MACF1: variants seen among roughly 807,000 people sequenced by gnomAD.
MACF1 encodes the protein microtubule-actin cross-linking factor 1.
In MACF1, 193 loss-of-function variants were observed where a neutral mutation model predicts 854.8. That is an observed-to-expected ratio of 0.23 (90% CI 0.20 to 0.25). MACF1 has a LOEUF of 0.25. Ranked by LOEUF, MACF1 falls within the 10% of genes least tolerant of loss-of-function variation. The probability of loss-of-function intolerance (pLI) is 1.00; values close to 1 mark genes in which losing one functional copy is unlikely to be tolerated. For synonymous variants in MACF1, 3,185 were observed against 3,226.7 expected (o/e 0.99, Z 0.44); for missense variants, 7,722 against 8,929.1 (o/e 0.86, Z 5.45).
At chr1:39,423,023 C>A in intron 60 of MACF1, 123 bp downstream of exon 60, 1 of 815,018 alleles carries the variant, frequency 1.2e-6, no homozygotes, top group Non-Finnish European at 1.9e-6. Flanking sequence ...TTTGTGTCGT[C>A]CTGAAAAGAA....
Position 39,334,411 on chromosome 1 carries a change from C to A in MACF1, c.7823C>A (p.Ala2608Glu), listed in dbSNP as rs1271875127. The change falls in exon 37 of 101, where the codon GCA (alanine) becomes GAA (glutamate). Residue 2608 changes from alanine (A) to glutamate (E), a missense_variant. Around this residue, in one of 15 missense-constraint regions of MACF1, gnomAD observed 1,531 missense variants for 1,601.6 expected, o/e 0.96. Coordinates refer to ENST00000564288, the MANE Select transcript of MACF1 (RefSeq NM_001394062.1). ...AAAGAAGGACTGTTAACTAATGAAGCAGTATTGTCTCCAGGAATGATGCAT... is the reference window on the plus strand; with the variant it reads ...AAAGAAGGACTGTTAACTAATGAAGAAGTATTGTCTCCAGGAATGATGCAT... ...AKKEGLLTNE[A>E]VLSPGMMHGI... 6.2e-7 allele frequency: 1 copy of A among 1,613,948 alleles called. No homozygotes were observed. Among genetic ancestry groups the A allele is most frequent in the East Asian group, 2.2e-5 (1 of 44,872 alleles).
intron 95 of MACF1, chr1:39,467,725 C>A (rs944515720): frequency 6.6e-6 from 1 of 152,196 alleles, no homozygotes; most frequent in African/African-American, 2.4e-5. Flanking sequence ...ATGACCTAAT[C>A]ATTTGTTCAG....
rs761281665 is a variant in MACF1 at position 39,335,200 on chromosome 1, A to G, written c.8612A>G (p.His2871Arg). Residue 2871 changes from histidine (H) to arginine (R), a missense_variant, in exon 37 of 101, where the codon CAT becomes CGT. His to Arg is a conservative substitution (Grantham distance 29, BLOSUM62 0). This residue lies in a region of MACF1 where 854 missense variants were observed against 852.6 expected (regional missense o/e 1.00). Coordinates refer to ENST00000564288, the MANE Select transcript of MACF1 (RefSeq NM_001394062.1). ...AKEFISIINP[H>R]NLKGKSLGQV... Reference sequence around the variant, plus strand: ...GAATTTATCAGTATCATAAATCCTCATAATCTTAAAGGTAAATCCTTGGGC... The same window carrying G: ...GAATTTATCAGTATCATAAATCCTCGTAATCTTAAAGGTAAATCCTTGGGC... 56 of 1,613,928 alleles carry G rather than the reference A, an allele frequency of 3.5e-5. No homozygotes were observed. The highest frequency in any genetic ancestry group is 4.6e-5 in the Non-Finnish European group (54 of 1,179,974).
intron 58 of MACF1, among the ~76,000 whole-genome samples, chr1:39,406,287 T>G (rs555975040): frequency 1.4e-4 from 21 of 152,330 alleles, no homozygotes; most frequent in Non-Finnish European, 2.6e-4. Flanking sequence ...GAATGCTCCA[T>G]TTATTTATTT....
chr1:39,431,346 C>T (rs763493062), intron 66 of MACF1, among the ~76,000 whole-genome samples: 1 of 152,192 alleles, frequency 6.6e-6, no homozygotes, highest in Non-Finnish European at 1.5e-5. Context: ...AGAACCTTCT[C>T]AGTAAACACA....
At chr1:39,201,605 G>T (rs1479556524), upstream of MACF1, among the ~76,000 whole-genome samples, 1 of 152,118 alleles carries the variant, frequency 6.6e-6, no homozygotes, top group Non-Finnish European at 1.5e-5. Flanking sequence ...ACCTGCCTCG[G>T]CCTCCCAAAG....
chr1:39,306,097 A>G (rs1402305995), intron 23 of MACF1, among the ~76,000 whole-genome samples: 2 of 152,206 alleles, frequency 1.3e-5, no homozygotes, highest in Non-Finnish European at 2.9e-5. Context: ...ATTGAATGAA[A>G]GAATGAATGA....
intron 1 of MACF1, chr1:39,206,387 T>C (rs1644451304): frequency 6.6e-6 from 1 of 152,196 alleles, no homozygotes; most frequent in Non-Finnish European, 1.5e-5. Flanking sequence ...AGAAAATAAA[T>C]ACAATATCAT....
At chr1:39,254,638 C>T (rs1228795806) in intron 5 of MACF1, 7 of 397,074 alleles carry the variant, frequency 1.8e-5, no homozygotes, top group South Asian at 1.6e-4. Context: ...GTGGATGCAC[C>T]TTAGGTGGGG....
intron 99 of MACF1, 44 bp downstream of exon 99, chr1:39,481,074 C>A: frequency 8.2e-7 from 1 of 1,226,560 alleles, no homozygotes; most frequent in Non-Finnish European, 1.2e-6. Flanking sequence ...CAAGACGAGG[C>A]CCTCGCTACT....
rs75807178 is a variant in MACF1, at chr1:39,148,011, A to G, written c.220+63573A>G. On this transcript the variant is annotated intron_variant, in intron 2 of 93. Transcript: ENST00000361689. ...TTCTGCCTCACAAATGCTTGTTCAT[A>G]CTGTAATCTTTTGTCCCAACTCAAA... Among the ~76,000 whole-genome samples, 50 of 152,242 alleles carry G rather than the reference A, an allele frequency of 3.3e-4. No individual in the cohort carries two copies. In the East Asian group the frequency reaches 6.6e-3, roughly 20 times the overall value.
intron 2 of MACF1, among the ~76,000 whole-genome samples, chr1:39,116,054 A>G (rs1470960011): frequency 2.0e-5 from 3 of 152,172 alleles, no homozygotes; most frequent in African/African-American, 7.2e-5. Flanking sequence ...CAGGTGAAGA[A>G]GGGTGGGGAG....
chr1:39,112,659 C>T (rs761802486), intron 2 of MACF1, among the ~76,000 whole-genome samples: 4 of 151,574 alleles, frequency 2.6e-5, no homozygotes, highest in Non-Finnish European at 5.9e-5. Context: ...CCAGCCTGGA[C>T]AACAGAGCAA....
chr1:39,288,496 T>TAAA (rs150854643), intron 15 of MACF1, among the ~76,000 whole-genome samples: 1 of 125,564 alleles, frequency 8.0e-6, no homozygotes, highest in Admixed American at 8.2e-5. Flanking sequence ...AGACTCCATC[T>TAAA]AAAAAAAAAA....
chr1:39,180,189 ATT>A (rs970293342), intron 2 of MACF1, among the ~76,000 whole-genome samples: 1 of 152,180 alleles, frequency 6.6e-6, no homozygotes, highest in Non-Finnish European at 1.5e-5. Context: ...ATGAAGACTT[ATT>A]ATGATGGCTT....
chr1:39,477,049 A>ATG (rs1644901279), intron 97 of MACF1, among the ~76,000 whole-genome samples: 1 of 6,504 alleles, frequency 1.5e-4, no homozygotes, highest in African/African-American at 5.3e-4. Context: ...CTTAGTGTAT[A>ATG]TATATATATA....
chr1:39,227,193 C>T (rs1644726681), intron 1 of MACF1, among the ~76,000 whole-genome samples: 1 of 152,308 alleles, frequency 6.6e-6, no homozygotes, highest in Non-Finnish European at 1.5e-5. Flanking sequence ...GGATTACAGG[C>T]ATAAGCCACC....
chr1:39,405,453 G>GA (rs1428516830), intron 58 of MACF1, among the ~76,000 whole-genome samples: 3 of 152,248 alleles, frequency 2.0e-5, no homozygotes, highest in African/African-American at 4.8e-5. Context: ...AGGCATCATA[G>GA]AATCTAGGGA....
rs113640603 is a variant in MACF1 at position 39,240,216 on chromosome 1, A to C, written c.171+8973A>C. Among the ~76,000 whole-genome samples the C allele has an allele frequency of 5.1e-3, 778 of 152,344 alleles. 6 individuals are homozygous for C. The highest frequency in any genetic ancestry group is 0.017 in the African/African-American group (719 of 41,568). ...TCATACTTTTTGCGTATTCATGTCT[A>C]TGGGAAATACCAGAATGAGACGGGC... On this transcript the variant is annotated intron_variant, in intron 2 of 100. Transcript: ENST00000564288.
Sources: allele counts gnomAD v4.1 joint callset (sites outside exome capture counted in the v4.1 genomes callset), GRCh38; gene constraint gnomAD v4.1.1; regional missense constraint gnomAD v4.1.1; transcripts MANE v1.5; gene names NCBI Gene and HGNC (gene_info 2026-07-23, HGNC 2026-07-21).